Variants in EYA1 observed in about 807,000 individuals in gnomAD.
EYA1 encodes protein phosphatase EYA1.
In EYA1, 16 loss-of-function variants were observed where a neutral mutation model predicts 82.0. The ratio of observed to expected loss-of-function variants is 0.20; its 90% CI spans 0.13 to 0.30. The LOEUF (loss-of-function observed/expected upper bound fraction) is 0.30, where lower values mean the gene tolerates loss of function less well. Ranked by LOEUF, EYA1 falls within the 10% of genes least tolerant of loss-of-function variation. The pLI, the probability that EYA1 is intolerant of heterozygous loss-of-function variation, is 1.00. For synonymous variants in EYA1, 261 were observed against 264.4 expected, an observed-to-expected ratio of 0.99 and a Z score of 0.12; for missense variants, 633 against 730.7, an observed-to-expected ratio of 0.87 and a Z score of 1.54.
At chr8:71,389,804 G>T (rs959780999) in intron 2 of EYA1, among the ~76,000 whole-genome samples, 4 of 152,136 alleles carry the variant, frequency 2.6e-5, no homozygotes, top group Non-Finnish European at 5.9e-5. Context: ...CCTTTACACT[G>T]TAATGCCAGT....
intron 2 of EYA1, among the ~76,000 whole-genome samples, chr8:71,534,806 A>G (rs1339705862): frequency 6.6e-6 from 1 of 151,894 alleles, no homozygotes; most frequent in African/African-American, 2.4e-5. Flanking sequence ...GGAGCAGCAA[A>G]CCACCATGTT....
intron 11 of EYA1, among the ~76,000 whole-genome samples, chr8:71,252,901 C>T (rs536132530): frequency 1.9e-4 from 29 of 152,212 alleles, no homozygotes; most frequent in Middle Eastern, 6.8e-3. Flanking sequence ...TAGCTTAGCC[C>T]AAATCCAATC....
intron 11 of EYA1, among the ~76,000 whole-genome samples, chr8:71,249,791 G>A (rs1214343525): frequency 6.6e-6 from 1 of 152,002 alleles, no homozygotes; most frequent in African/African-American, 2.4e-5. Context: ...TTACTTATTG[G>A]TCATTTCCAC....
intron 2 of EYA1, among the ~76,000 whole-genome samples, chr8:71,410,760 C>T (rs1830546239): frequency 6.6e-6 from 1 of 150,758 alleles, no homozygotes; most frequent in Non-Finnish European, 1.5e-5. Flanking sequence ...ACATTCCATG[C>T]TCATGGGGAG....
intron 11 of EYA1, among the ~76,000 whole-genome samples, chr8:71,247,923 C>T (rs1813301526): frequency 6.6e-6 from 1 of 152,086 alleles, no homozygotes; most frequent in Non-Finnish European, 1.5e-5. Context: ...TATTTAATTG[C>T]CAATTTTAAA....
intron 4 of EYA1, among the ~76,000 whole-genome samples, chr8:71,332,498 G>A (rs1292372773): frequency 6.6e-6 from 1 of 152,080 alleles, no homozygotes; most frequent in Non-Finnish European, 1.5e-5. Context: ...CTTCGTAAAT[G>A]AAATGCACCA....
At chr8:71,297,724 G>A (rs1344684153) in intron 9 of EYA1, among the ~76,000 whole-genome samples, 2 of 152,082 alleles carry the variant, frequency 1.3e-5, no homozygotes, top group African/African-American at 4.8e-5. Context: ...TAAATTCAAT[G>A]CATTCTATAA....
At chr8:71,443,498 C>G (rs778454326) in intron 2 of EYA1, among the ~76,000 whole-genome samples, 9 of 152,268 alleles carry the variant, frequency 5.9e-5, no homozygotes, top group Middle Eastern at 3.4e-3. Flanking sequence ...CCAGGATGGT[C>G]TTGAACCCCT....
chr8:71,349,235 A>G (rs758265589), intron 3 of EYA1, among the ~76,000 whole-genome samples: 1 of 152,208 alleles, frequency 6.6e-6, no homozygotes, highest in African/African-American at 2.4e-5. Context: ...CACCCTGAGG[A>G]GTCATCCTTA....
At chr8:71,236,745 T>C (rs138196601) in intron 12 of EYA1, among the ~76,000 whole-genome samples, 102 of 152,334 alleles carry the variant, frequency 6.7e-4, no homozygotes, top group African/African-American at 2.4e-3. Context: ...AGAGATATCA[T>C]GCTGTTAAAT....
chr8:71,226,244 C>T (rs1163072101), intron 12 of EYA1, among the ~76,000 whole-genome samples: 1 of 152,034 alleles, frequency 6.6e-6, no homozygotes, highest in East Asian at 1.9e-4. Flanking sequence ...ATATTAATCC[C>T]TTTTAAAATG....
intron 12 of EYA1, among the ~76,000 whole-genome samples, chr8:71,243,674 C>CA (rs1433371728): frequency 3.9e-5 from 6 of 152,158 alleles, no homozygotes; most frequent in Non-Finnish European, 8.8e-5. Flanking sequence ...TGGCATTTTT[C>CA]AAATGATTTT....
chr8:71,278,980 A>AT (rs1214364902), intron 9 of EYA1, among the ~76,000 whole-genome samples: 1 of 152,190 alleles, frequency 6.6e-6, no homozygotes, highest in South Asian at 2.1e-4. Context: ...GAAGTAGGTA[A>AT]TTGAACTCCT....
At chr8:71,422,080 C>T (rs931785091) in intron 2 of EYA1, among the ~76,000 whole-genome samples, 3 of 152,152 alleles carry the variant, frequency 2.0e-5, no homozygotes, top group Non-Finnish European at 4.4e-5. Flanking sequence ...TATTTGGTTT[C>T]ACTTAACGTA....
chr8:71,421,091 C>A (rs1831123627), intron 2 of EYA1, among the ~76,000 whole-genome samples: 1 of 152,190 alleles, frequency 6.6e-6, no homozygotes, highest in Admixed American at 6.5e-5. Context: ...CTACAATCCT[C>A]TGAAACCTGA....
Position 71,369,887 on chromosome 8 carries a change from A to G in EYA1, c.34-13376T>C, listed in dbSNP as rs1381565072. On this transcript the variant is annotated intron_variant, in intron 2 of 18. Transcript: ENST00000643681. ...GCTAGGGCATTATCATTATAGGAAC[A>G]TTAATTTTATTTTATGTACAAAAAT... 2.0e-5 allele frequency among the ~76,000 whole-genome samples: 3 copies of G among 152,258 alleles called. No homozygotes were observed. In the East Asian group the frequency reaches 5.8e-4, roughly 29 times the overall value.
chr8:71,463,732 A>T (rs556935253), intron 2 of EYA1, among the ~76,000 whole-genome samples: 1 of 151,102 alleles, frequency 6.6e-6, no homozygotes, highest in Admixed American at 6.6e-5. Flanking sequence ...ACTGCAATAC[A>T]TTCTCTAGTT....
intron 1 of EYA1, among the ~76,000 whole-genome samples, chr8:71,361,251 C>T (rs1267005061): frequency 6.6e-6 from 1 of 152,078 alleles, no homozygotes; most frequent in African/African-American, 2.4e-5. Context: ...TTGCAATGAA[C>T]ATATATGTAC....
intron 10 of EYA1, 41 bp from the exon 11 acceptor site, chr8:71,269,864 T>A (rs1405995811): frequency 1.7e-5 from 25 of 1,496,942 alleles, no homozygotes; most frequent in Non-Finnish European, 2.3e-5. Context: ...TTGCCTTGGC[T>A]GAGAAAGCTG....
Sources: gnomAD v4.1 joint callset for allele counts (sites outside exome capture counted in the v4.1 genomes callset) on GRCh38, gnomAD v4.1.1 for gene constraint, MANE v1.5 for transcripts, NCBI Gene and HGNC (gene_info 2026-07-23, HGNC 2026-07-21) for gene names.